Variants in MYSM1 observed in about 807,000 individuals in gnomAD.
The protein encoded by MYSM1 is deubiquitinase MYSM1.
A neutral mutation model predicts 116.0 loss-of-function variants in MYSM1; 51 were observed. That is an observed-to-expected ratio of 0.44 (90% CI 0.35 to 0.56). The LOEUF (loss-of-function observed/expected upper bound fraction) is 0.56, where lower values mean the gene tolerates loss of function less well. Among genes scored for constraint, MYSM1 ranks in the 20% least tolerant of loss-of-function variants. The pLI is 0.00. For missense variants in MYSM1, 900 were observed against 974.9 expected, an observed-to-expected ratio of 0.92 and a Z score of 1.02; for synonymous variants, 313 against 315.2, an observed-to-expected ratio of 0.99 and a Z score of 0.07.
intron 17 of MYSM1, among the ~76,000 whole-genome samples, chr1:58,662,660 A>G (rs77876107): frequency 2.1e-5 from 3 of 142,470 alleles, no homozygotes; most frequent in African/African-American, 5.5e-5. Flanking sequence ...GAAGGCATGG[A>G]AAAAAAAAAG....
rs777618726 is a variant in MYSM1 at position 58,690,248 on chromosome 1, G to A, written c.298C>T (p.Leu100=). Reference sequence around the variant, plus strand: ...TACATGATTTTTGCTGTTTTCTGCAGACTGCATCACATGAAAAAAGAAAAT... The same window carrying A: ...TACATGATTTTTGCTGTTTTCTGCAAACTGCATCACATGAAAAAAGAAAAT... ...KEDDKKYMKS[L]QKTAKIMVHS... The change falls in exon 5 of 20, where the codon CTG becomes TTG. Residue 100 remains leucine, a splice_region_variant and synonymous_variant. Coordinates refer to ENST00000472487, the MANE Select transcript of MYSM1 (RefSeq NM_001085487.3). The A allele has an allele frequency of 8.6e-5, 136 of 1,576,666 alleles. No individual in the cohort carries two copies. The highest frequency in any genetic ancestry group is 1.7e-4 in the Middle Eastern group (1 of 5,728).
intron 16 of MYSM1, 103 bp from the exon 17 acceptor site, chr1:58,665,734 C>A: frequency 1.3e-6 from 1 of 795,280 alleles, no homozygotes; most frequent in Non-Finnish European, 2.0e-6. Flanking sequence ...AAAGCAGGAA[C>A]AAAAAGGTGC....
chr1:58,661,665 A>G (rs1454862090), intron 17 of MYSM1, among the ~76,000 whole-genome samples, 154 bp from the exon 18 acceptor site: 1 of 152,118 alleles, frequency 6.6e-6, no homozygotes, highest in East Asian at 1.9e-4. Context: ...TTCATTAAAT[A>G]TTTATTGCCC....
intron 1 of MYSM1, among the ~76,000 whole-genome samples, chr1:58,699,185 TG>T (rs1294185843): frequency 6.6e-6 from 1 of 152,174 alleles, no homozygotes; most frequent in Non-Finnish European, 1.5e-5. Flanking sequence ...GGAGGTTCTG[TG>T]TCAAATCACA....
At chr1:58,661,249 C>G (rs187227392) in intron 18 of MYSM1, 22 bp from the exon 19 acceptor site, 1 of 1,597,700 alleles carries the variant, frequency 6.3e-7, no homozygotes. Flanking sequence ...AATATGAAAA[C>G]AAACTGGTGA....
chr1:58,688,803 G>A lies in MYSM1; in HGVS notation c.399+235C>T, dbSNP rs12093803. Among the ~76,000 whole-genome samples the A allele has an allele frequency of 7.4e-3, 1,129 of 152,080 alleles. 16 individuals are homozygous for A. The highest frequency in any genetic ancestry group is 0.026 in the African/African-American group (1,064 of 41,494). On this transcript the variant is annotated intron_variant, in intron 6 of 19. Transcript: ENST00000472487. ...TGGATTTTGATAATACCACAAGAAC[G>A]TGAAAACTACAGATCTAAATCTATT...
At chr1:58,668,338 G>A in intron 14 of MYSM1, 1 of 815,808 alleles carries the variant, frequency 1.2e-6, no homozygotes, top group African/African-American at 1.8e-5. Flanking sequence ...TACAGGAGTT[G>A]TGCTTTGTTT....
rs1471827746 is a variant in MYSM1, at chr1:58,655,724, A to G, written c.*4273T>C. 1 of 152,204 alleles carries G rather than the reference A, an allele frequency of 6.6e-6. No homozygotes were observed. Among genetic ancestry groups the G allele is most frequent in the Non-Finnish European group, 1.5e-5 (1 of 68,028 alleles). 9.4% of individuals were successfully genotyped at this position (152,204 alleles called of 1,614,324 possible). ...TTCTGGAAATATTGCAAAATACATTAATTTGTAAGAAAACTAATATTAAAG... is the reference window on the plus strand; with the variant it reads ...TTCTGGAAATATTGCAAAATACATTGATTTGTAAGAAAACTAATATTAAAG... On this transcript the variant is annotated 3_prime_UTR_variant, in exon 20 of 20. Transcript: ENST00000472487.
intron 3 of MYSM1, among the ~76,000 whole-genome samples, chr1:58,690,701 T>C (rs1225696757): frequency 6.7e-6 from 1 of 148,572 alleles, no homozygotes; most frequent in Non-Finnish European, 1.5e-5. Flanking sequence ...TTTTTTTGGC[T>C]CATCAGCTAT....
intron 3 of MYSM1, chr1:58,692,357 G>A (rs1265245397): frequency 2.6e-5 from 4 of 152,156 alleles, no homozygotes; most frequent in South Asian, 2.1e-4. Context: ...TTACATGTAC[G>A]AAAACTGAGC....
chr1:58,664,859 C>A (rs1644444925), intron 17 of MYSM1, among the ~76,000 whole-genome samples: 1 of 152,132 alleles, frequency 6.6e-6, no homozygotes, highest in Admixed American at 6.6e-5. Flanking sequence ...GAATAAATAT[C>A]CTAGAGTTAT....
At chr1:58,668,050 G>C in intron 14 of MYSM1, 129 bp from the exon 15 acceptor site, 1 of 716,038 alleles carries the variant, frequency 1.4e-6, no homozygotes, top group Admixed American at 2.1e-5. Flanking sequence ...AAGTAGCATA[G>C]GAGAGGAACT....
intron 8 of MYSM1, among the ~76,000 whole-genome samples, chr1:58,680,469 T>C (rs1644722369): frequency 6.6e-6 from 1 of 152,370 alleles, no homozygotes; most frequent in African/African-American, 2.4e-5. Flanking sequence ...TTCTTTACTA[T>C]GATGCCAACC....
In MYSM1 at chr1:58,656,030, CAG is replaced by C. The variant is rs1289924601; in HGVS notation, c.*3965_*3966del. 10 of 152,140 alleles carry C rather than the reference CAG, an allele frequency of 6.6e-5. No homozygotes were observed. The highest frequency in any genetic ancestry group is 2.4e-4 in the African/African-American group (10 of 41,412). 9.4% of individuals were successfully genotyped at this position (152,140 alleles called of 1,614,324 possible). On this transcript the variant is annotated 3_prime_UTR_variant, in exon 20 of 20. Transcript: ENST00000472487. ...ACATGGCTGTTTTGTGAGCACAAAA[CAG>C]AGCAACATCAATTCCAGGGCATCCT...
chr1:58,660,548 C>T (rs980411946), intron 19 of MYSM1, among the ~76,000 whole-genome samples: 1 of 152,190 alleles, frequency 6.6e-6, no homozygotes. Flanking sequence ...AATGAGGATG[C>T]TAGCTGGAGT....
At chr1:58,665,322 G>C (rs750700577) in intron 17 of MYSM1, among the ~76,000 whole-genome samples, 177 bp downstream of exon 17, 5 of 152,306 alleles carry the variant, frequency 3.3e-5, no homozygotes, top group Non-Finnish European at 7.3e-5. Context: ...AATATAGCAG[G>C]AGATTAAGAA....
chr1:58,690,303 A>G, intron 4 of MYSM1, 37 bp downstream of exon 4: 1 of 1,581,392 alleles, frequency 6.3e-7, no homozygotes, highest in Non-Finnish European at 8.6e-7. Context: ...CTAAAACTAC[A>G]ATCCAGACTT....
At chr1:58,699,085 T>C (rs1346194084) in intron 1 of MYSM1, among the ~76,000 whole-genome samples, 1 of 152,208 alleles carries the variant, frequency 6.6e-6, no homozygotes, top group Admixed American at 6.5e-5. Context: ...TGGCTGACTT[T>C]AGAACTCAGG....
chr1:58,660,062 T>C lies in MYSM1; in HGVS notation c.2422A>G (p.Asn808Asp). ...LTEIENLFLS[N>D]YKSNQENGVT... is the part of the protein sequence containing the mutation. ...CCATTCTCTTGGTTGCTTTTATAATTGGAAAGGAACAAATTTTCTATTTCA... is the reference window on the plus strand; with the variant it reads ...CCATTCTCTTGGTTGCTTTTATAATCGGAAAGGAACAAATTTTCTATTTCA... The change falls in exon 20 of 20, where the codon AAT becomes GAT. Residue 808 changes from asparagine to aspartate, a missense_variant. By Grantham distance (23) the Asn-to-Asp change is conservative. Coordinates refer to ENST00000472487, the MANE Select transcript of MYSM1 (RefSeq NM_001085487.3). 6.2e-7 allele frequency: 1 copy of C among 1,610,568 alleles called. No homozygotes were observed. Among genetic ancestry groups the C allele is most frequent in the Non-Finnish European group, 8.5e-7 (1 of 1,177,844 alleles).
Sources: gnomAD v4.1 joint callset for allele counts (sites outside exome capture counted in the v4.1 genomes callset) on GRCh38, gnomAD v4.1.1 for gene constraint, MANE v1.5 for transcripts, NCBI Gene and HGNC (gene_info 2026-07-23, HGNC 2026-07-21) for gene names.